The following COL25A1 variants were observed in gnomAD, a reference collection of about 807,000 sequenced individuals.
The protein encoded by COL25A1 is collagen alpha-1(XXV) chain.
In COL25A1, 103 loss-of-function variants were observed where a neutral mutation model predicts 128.4. That is an observed-to-expected ratio of 0.80 (90% CI 0.68 to 0.94). The LOEUF is 0.94. Among genes scored for constraint, COL25A1 ranks in the 40% least tolerant of loss-of-function variants. COL25A1 has a pLI of 0.00. For missense variants in COL25A1, 745 were observed against 840.0 expected (o/e 0.89, Z 1.40); for synonymous variants, 279 against 277.2 (o/e 1.01, Z -0.06).
chr4:109,294,946 A>G (rs1286697120), intron 3 of COL25A1, among the ~76,000 whole-genome samples: 1 of 152,040 alleles, frequency 6.6e-6, no homozygotes. Flanking sequence ...CCTAGACCTA[A>G]GCCTGACATT....
intron 3 of COL25A1, among the ~76,000 whole-genome samples, chr4:109,202,736 A>G (rs926938624): frequency 5.3e-5 from 8 of 152,192 alleles, no homozygotes; most frequent in African/African-American, 1.9e-4. Context: ...CTATCGATCA[A>G]TTGATCATTC....
At chr4:108,844,482 A>G (rs758833865) in intron 30 of COL25A1, 37 bp downstream of exon 30, 4 of 1,614,080 alleles carry the variant, frequency 2.5e-6, no homozygotes, top group Non-Finnish European at 3.4e-6. Context: ...CATGCTCATA[A>G]ATAAGCAATT....
intron 3 of COL25A1, among the ~76,000 whole-genome samples, chr4:109,103,914 A>G (rs1407549149): frequency 2.0e-5 from 3 of 152,194 alleles, no homozygotes; most frequent in Admixed American, 6.5e-5. Flanking sequence ...TGACTTCATT[A>G]TTTTGAATAC....
intron 3 of COL25A1, among the ~76,000 whole-genome samples, chr4:109,101,758 C>T (rs537160818): frequency 2.7e-4 from 41 of 152,312 alleles, no homozygotes; most frequent in Non-Finnish European, 4.3e-4. Context: ...AAAGCACACT[C>T]GTCAGGCTGA....
At chr4:108,940,699 G>T in intron 9 of COL25A1, 53 bp from the exon 10 acceptor site, 1 of 1,230,458 alleles carries the variant, frequency 8.1e-7, no homozygotes, top group Non-Finnish European at 1.1e-6. Flanking sequence ...TAAAGACCCA[G>T]GTCTTCTTTT....
At chr4:109,287,889 C>A (rs991365484) in intron 3 of COL25A1, among the ~76,000 whole-genome samples, 6 of 152,168 alleles carry the variant, frequency 3.9e-5, no homozygotes, top group African/African-American at 1.2e-4. Flanking sequence ...TCAAACAAGG[C>A]AGACCAATGG....
At chr4:108,976,084 C>A (rs1199763657) in intron 6 of COL25A1, among the ~76,000 whole-genome samples, 1 of 152,026 alleles carries the variant, frequency 6.6e-6, no homozygotes, top group Non-Finnish European at 1.5e-5. Context: ...ATTTTTTATT[C>A]TTTATAGTTG....
At chr4:108,986,900 A>G (rs1753711261) in intron 6 of COL25A1, among the ~76,000 whole-genome samples, 1 of 152,196 alleles carries the variant, frequency 6.6e-6, no homozygotes, top group Non-Finnish European at 1.5e-5. Context: ...CATAATATCT[A>G]AGCTTTGCTT....
chr4:109,001,610 T>G (rs1180368387), intron 6 of COL25A1, among the ~76,000 whole-genome samples: 1 of 152,202 alleles, frequency 6.6e-6, no homozygotes, highest in Non-Finnish European at 1.5e-5. Flanking sequence ...CAAGGGTTTT[T>G]GAATCTGAGC....
At chr4:108,984,712 CCT>C (rs1191581662) in intron 6 of COL25A1, among the ~76,000 whole-genome samples, 1 of 152,228 alleles carries the variant, frequency 6.6e-6, no homozygotes, top group Non-Finnish European at 1.5e-5. Flanking sequence ...GCGCGCAGCC[CCT>C]GTTCCTGCCC....
At chr4:109,222,452 A>G (rs1005272079) in intron 3 of COL25A1, among the ~76,000 whole-genome samples, 2 of 152,190 alleles carry the variant, frequency 1.3e-5, no homozygotes, top group Non-Finnish European at 2.9e-5. Flanking sequence ...TTGCTAAACT[A>G]AAAGCTCAAC....
chr4:108,914,701 C>T (rs1263372181), intron 13 of COL25A1, among the ~76,000 whole-genome samples: 2 of 144,850 alleles, frequency 1.4e-5, no homozygotes, highest in Admixed American at 1.4e-4. Flanking sequence ...ATGTTGCCCA[C>T]GCTGGAGTGC....
At chr4:109,019,212 A>T (rs1757473888) in intron 5 of COL25A1, among the ~76,000 whole-genome samples, 1 of 151,724 alleles carries the variant, frequency 6.6e-6, no homozygotes, top group Admixed American at 6.6e-5. Flanking sequence ...CCTGCCCTCA[A>T]ATATCAGACT....
intron 8 of COL25A1, among the ~76,000 whole-genome samples, chr4:108,947,136 C>T (rs533646164): frequency 3.9e-5 from 6 of 152,128 alleles, no homozygotes; most frequent in South Asian, 2.1e-4. Flanking sequence ...CAGTTGGACA[C>T]GCATATAAAA....
At position 109,271,067 on chromosome 4, in the gene COL25A1, G is replaced by A. The variant is rs375195698; in HGVS notation, c.367+29516C>T. On this transcript the variant is annotated intron_variant, in intron 3 of 37. Transcript: ENST00000399132. ...CTGAGCCAGAATTAGGGCCAGGTCT[G>A]TCTGGTTCCAAAGCCTGAGCCCCTT... Among the ~76,000 whole-genome samples, 50 of 152,280 alleles carry A rather than the reference G, an allele frequency of 3.3e-4. No homozygotes were observed. In the East Asian group the frequency reaches 5.6e-3, roughly 17 times the overall value.
At chr4:109,001,267 C>CT (rs1755334118) in intron 6 of COL25A1, among the ~76,000 whole-genome samples, 1 of 152,222 alleles carries the variant, frequency 6.6e-6, no homozygotes, top group Non-Finnish European at 1.5e-5. Context: ...AAAAAGCTAA[C>CT]TACTCACTTT....
At chr4:108,844,645 G>T in intron 29 of COL25A1, 76 bp from the exon 30 acceptor site, 1 of 1,553,806 alleles carries the variant, frequency 6.4e-7, no homozygotes. Context: ...CTTGTGCTGG[G>T]GTTCTGCTAA....
At chr4:108,940,778 TAA>T in intron 9 of COL25A1, 132 bp from the exon 10 acceptor site, 1 of 609,140 alleles carries the variant, frequency 1.6e-6, no homozygotes, top group Non-Finnish European at 2.7e-6. Flanking sequence ...ACCACAAATA[TAA>T]AGCCTGTAGG....
chr4:108,868,561 A>AG (rs1553955581), intron 20 of COL25A1, among the ~76,000 whole-genome samples: 1 of 94,496 alleles, frequency 1.1e-5, no homozygotes, highest in African/African-American at 4.2e-5. Context: ...GAAAGAAAGA[A>AG]AGAGAAAGAG....
Sources: allele counts gnomAD v4.1 joint callset (sites outside exome capture counted in the v4.1 genomes callset), GRCh38; gene constraint gnomAD v4.1.1; transcripts MANE v1.5; gene names NCBI Gene and HGNC (gene_info 2026-07-23, HGNC 2026-07-21).